Variants in ARMC2 observed in about 807,000 individuals in gnomAD.
The protein encoded by ARMC2 is armadillo repeat-containing protein 2.
Under a neutral mutation model 90.3 loss-of-function variants are expected in ARMC2, and 67 were observed. The observed-to-expected ratio is 0.74, with a 90% confidence interval of 0.61 to 0.91. The LOEUF (loss-of-function observed/expected upper bound fraction) is 0.91. Among genes scored for constraint, ARMC2 ranks in the 40% least tolerant of loss-of-function variants. The pLI is 0.00. For synonymous variants in ARMC2, 393 were observed against 393.0 expected (o/e 1.00, Z 0.00); for missense variants, 920 against 1,030.9 (o/e 0.89, Z 1.47).
the ARMC2 span, among the ~76,000 whole-genome samples, chr6:109,012,625 A>G: frequency 6.6e-5 from 10 of 152,196 alleles, no homozygotes; most frequent in African/African-American, 2.4e-4. Flanking sequence ...TACAGCTTAG[A>G]GTATTAGTAG....
intron 4 of ARMC2, among the ~76,000 whole-genome samples, chr6:108,871,042 G>A (rs1776356855): frequency 6.6e-6 from 1 of 152,216 alleles, no homozygotes; most frequent in Non-Finnish European, 1.5e-5. Context: ...GAATAGGAAG[G>A]TGCCTCATGA....
chr6:108,862,734 G>C (rs1328509543), intron 3 of ARMC2, among the ~76,000 whole-genome samples: 1 of 152,086 alleles, frequency 6.6e-6, no homozygotes, highest in Admixed American at 6.6e-5. Flanking sequence ...CACAGTTAAG[G>C]GACACATTTG....
At chr6:108,849,438 G>T (rs997011777) in intron 1 of ARMC2, among the ~76,000 whole-genome samples, 2 of 152,168 alleles carry the variant, frequency 1.3e-5, no homozygotes, top group African/African-American at 4.8e-5. Flanking sequence ...TAAATGACGA[G>T]TTGATGGGTG....
intron 1 of ARMC2, among the ~76,000 whole-genome samples, chr6:108,850,208 C>T (rs1582905861): frequency 6.6e-6 from 1 of 152,348 alleles, no homozygotes; most frequent in South Asian, 2.1e-4. Context: ...AAATTTCCTA[C>T]TGCTGGTGGT....
At chr6:109,007,779 C>T in the ARMC2 span, among the ~76,000 whole-genome samples, 4 of 139,882 alleles carry the variant, frequency 2.9e-5, no homozygotes, top group South Asian at 9.2e-4. Context: ...ACTGAAAGTC[C>T]AGGTACTTTT....
intron 5 of ARMC2, among the ~76,000 whole-genome samples, chr6:108,880,958 C>T (rs1365224108): frequency 4.6e-5 from 7 of 151,920 alleles, no homozygotes; most frequent in African/African-American, 7.3e-5. Flanking sequence ...CTGGTTCAAG[C>T]GATTCTCCTG....
intron 12 of ARMC2, among the ~76,000 whole-genome samples, chr6:108,948,885 A>G (rs1165649650): frequency 6.6e-6 from 1 of 152,016 alleles, no homozygotes; most frequent in Non-Finnish European, 1.5e-5. Flanking sequence ...AAGGAAATCT[A>G]TTTTTTACCA....
At chr6:108,976,768 C>G (rs1446782523), downstream of ARMC2, among the ~76,000 whole-genome samples, 1 of 151,996 alleles carries the variant, frequency 6.6e-6, no homozygotes, top group Non-Finnish European at 1.5e-5. Flanking sequence ...GTAGCAATTG[C>G]GAATGGGAGT....
chr6:108,948,872 A>G (rs948316918), intron 12 of ARMC2, among the ~76,000 whole-genome samples: 1 of 152,160 alleles, frequency 6.6e-6, no homozygotes, highest in Non-Finnish European at 1.5e-5. Context: ...AATGATGACC[A>G]CTAAGGAAAT....
At chr6:108,869,677 CCCTTCT>C in intron 4 of ARMC2, among the ~76,000 whole-genome samples, 1 of 152,032 alleles carries the variant, frequency 6.6e-6, no homozygotes, top group East Asian at 1.9e-4. Context: ...TTTGAGAATG[CCCTTCT>C]GATCCCGTGT....
At chr6:109,036,140 G>A in the ARMC2 span, among the ~76,000 whole-genome samples, 1 of 152,158 alleles carries the variant, frequency 6.6e-6, no homozygotes, top group Non-Finnish European at 1.5e-5. Context: ...AGGAAAGAGA[G>A]GAGTCATCAG....
the ARMC2 span, among the ~76,000 whole-genome samples, chr6:109,034,361 G>A: frequency 5.3e-5 from 8 of 152,098 alleles, no homozygotes; most frequent in Admixed American, 5.2e-4. Context: ...ATAATTTAGT[G>A]TTAAGTACAA....
At chr6:109,051,472 C>CTG in the ARMC2 span, among the ~76,000 whole-genome samples, 1 of 152,096 alleles carries the variant, frequency 6.6e-6, no homozygotes, top group Non-Finnish European at 1.5e-5. Context: ...AAATGTAACC[C>CTG]TTTAAGGAAT....
intron 10 of ARMC2, among the ~76,000 whole-genome samples, chr6:108,916,146 G>A (rs545594006): frequency 3.9e-5 from 6 of 152,278 alleles, no homozygotes; most frequent in East Asian, 1.9e-4. Flanking sequence ...ATATGTATAC[G>A]TATGGCTGTA....
At chr6:108,863,132 G>A (rs1775452555) in intron 3 of ARMC2, among the ~76,000 whole-genome samples, 1 of 152,092 alleles carries the variant, frequency 6.6e-6, no homozygotes, top group African/African-American at 2.4e-5. Flanking sequence ...GATTTGTAGG[G>A]TTTTGTTTGT....
chr6:109,051,947 AG>A, the ARMC2 span, among the ~76,000 whole-genome samples: 3 of 152,224 alleles, frequency 2.0e-5, no homozygotes, highest in Non-Finnish European at 2.9e-5. Flanking sequence ...CACCTTTTAA[AG>A]ACCCCACCTC....
chr6:108,893,955 A>C (rs906573345), intron 5 of ARMC2, among the ~76,000 whole-genome samples: 1 of 152,106 alleles, frequency 6.6e-6, no homozygotes, highest in Admixed American at 6.5e-5. Flanking sequence ...GCACCACTGC[A>C]CTCTAGCCTG....
chr6:109,009,332 G>A, the ARMC2 span: 10 of 1,462,338 alleles, frequency 6.8e-6, no homozygotes, highest in African/African-American at 1.5e-5. Context: ...GGTACCCAGC[G>A]GCCCGCTCAG....
At position 108,964,993 on chromosome 6, in the gene ARMC2, T is replaced by G; in HGVS notation, c.2299T>G (p.Leu767Val). Residue 767 changes from leucine (L) to valine (V), a missense_variant, in exon 17 of 18, where the codon TTA (leucine) becomes GTA (valine). Leu to Val is a conservative substitution (Grantham distance 32, BLOSUM62 1). Transcript: ENST00000392644. ...GGGIKKLVDC[L>V]RDLGPTDWQL... The stretch of plus-strand genomic sequence containing the variant: ...TTATTAACTCAGGTTAGTGGACTGT[T>G]TAAGAGATTTGGGTCCTACTGATTG... 6.2e-7 allele frequency: 1 copy of G among 1,610,864 alleles called. No individual in the cohort carries two copies. Among genetic ancestry groups the G allele is most frequent in the Non-Finnish European group, 8.5e-7 (1 of 1,177,216 alleles).
Sources: allele counts gnomAD v4.1 joint callset (sites outside exome capture counted in the v4.1 genomes callset), GRCh38; gene constraint gnomAD v4.1.1; transcripts MANE v1.5; gene names NCBI Gene and HGNC (gene_info 2026-07-23, HGNC 2026-07-21).